The following CACNA2D3 variants were observed in gnomAD, a reference collection of about 807,000 sequenced individuals.
The protein encoded by CACNA2D3 is voltage-dependent calcium channel subunit alpha-2/delta-3.
Under a neutral mutation model 160.6 loss-of-function variants are expected in CACNA2D3, and 60 were observed. That is an observed-to-expected ratio of 0.37 (90% CI 0.30 to 0.46). The LOEUF (loss-of-function observed/expected upper bound fraction) is 0.46, where lower values mean the gene tolerates loss of function less well. CACNA2D3 is among the 20% of genes least tolerant of loss of function. The pLI is 1.00. For missense variants in CACNA2D3, 1,205 were observed against 1,365.0 expected, an observed-to-expected ratio of 0.88 and a Z score of 1.85; for synonymous variants, 558 against 492.9, an observed-to-expected ratio of 1.13 and a Z score of -1.75.
At chr3:54,516,285 A>G (rs920390675) in intron 5 of CACNA2D3, among the ~76,000 whole-genome samples, 1 of 152,218 alleles carries the variant, frequency 6.6e-6, no homozygotes, top group African/African-American at 2.4e-5. Context: ...ATTTCTGAAG[A>G]CATCACAGGC....
intron 2 of CACNA2D3, among the ~76,000 whole-genome samples, chr3:54,201,091 G>A (rs1445745121): frequency 2.0e-5 from 3 of 152,086 alleles, no homozygotes; most frequent in East Asian, 3.9e-4. Context: ...ATAAGCGCTG[G>A]GTTTTGGTGA....
At chr3:54,789,349 G>A (rs537255986) in intron 13 of CACNA2D3, among the ~76,000 whole-genome samples, 44 of 152,288 alleles carry the variant, frequency 2.9e-4, no homozygotes, top group Middle Eastern at 3.4e-3. Flanking sequence ...AAAGCATTAA[G>A]ACATTTGCCC....
At chr3:54,829,715 C>T (rs1703827010) in intron 14 of CACNA2D3, among the ~76,000 whole-genome samples, 1 of 151,898 alleles carries the variant, frequency 6.6e-6, no homozygotes, top group African/African-American at 2.4e-5. Flanking sequence ...CTTAAGAATT[C>T]CCAAGTCATT....
At chr3:54,982,029 G>A (rs936564644) in intron 29 of CACNA2D3, among the ~76,000 whole-genome samples, 3 of 152,202 alleles carry the variant, frequency 2.0e-5, no homozygotes, top group Non-Finnish European at 4.4e-5. Context: ...GTGGCCACTT[G>A]TCGGTAGTGA....
In CACNA2D3 at chr3:54,288,837, A is replaced by G. The variant is rs146020805; in HGVS notation, c.205-31605A>G. On this transcript the variant is annotated intron_variant, in intron 2 of 37. Coordinates refer to ENST00000474759, the MANE Select transcript of CACNA2D3 (RefSeq NM_018398.3). ...AGACAAAAACCACGTGATTATCTCA[A>G]TAGATGCAGAAAAGGCCTTTGACAA... is the stretch of plus-strand genomic sequence containing the variant. 9.8e-3 allele frequency among the ~76,000 whole-genome samples: 1,492 copies of G among 152,284 alleles called. 27 individuals carry two copies. The highest frequency in any genetic ancestry group is 0.063 in the East Asian group (326 of 5,182).
chr3:54,497,318 G>T (rs943698630), intron 4 of CACNA2D3, among the ~76,000 whole-genome samples: 1 of 151,994 alleles, frequency 6.6e-6, no homozygotes, highest in Middle Eastern at 3.4e-3. Context: ...TAGTATACAG[G>T]CATTGCACAT....
chr3:54,821,907 G>A (rs544428136), intron 14 of CACNA2D3, among the ~76,000 whole-genome samples: 6 of 152,104 alleles, frequency 3.9e-5, no homozygotes, highest in East Asian at 1.9e-4. Flanking sequence ...AATGAAAATT[G>A]AAAATTGAAA....
At chr3:54,254,718 A>G (rs556736157) in intron 2 of CACNA2D3, among the ~76,000 whole-genome samples, 1 of 128,320 alleles carries the variant, frequency 7.8e-6, no homozygotes, top group South Asian at 2.5e-4. Flanking sequence ...TTACCAACCT[A>G]TTTGAATCAA....
chr3:54,210,654 A>G (rs1228876148), intron 2 of CACNA2D3, among the ~76,000 whole-genome samples: 1 of 152,144 alleles, frequency 6.6e-6, no homozygotes, highest in Non-Finnish European at 1.5e-5. Context: ...CCTGGAGGGA[A>G]GTGTCCTGGG....
chr3:54,125,308 CTCTAT>C (rs978572168), intron 2 of CACNA2D3, among the ~76,000 whole-genome samples: 46 of 151,932 alleles, frequency 3.0e-4, no homozygotes, highest in African/African-American at 1.1e-3. Flanking sequence ...TTATTTGCTA[CTCTAT>C]AACAGCAAAT....
chr3:54,941,928 A>G (rs1171998300), intron 27 of CACNA2D3, among the ~76,000 whole-genome samples: 1 of 152,184 alleles, frequency 6.6e-6, no homozygotes, highest in Non-Finnish European at 1.5e-5. Flanking sequence ...ATAAACTTCA[A>G]CCTCGTGAAA....
chr3:54,716,956 G>A (rs550238747), intron 11 of CACNA2D3, among the ~76,000 whole-genome samples: 1 of 150,102 alleles, frequency 6.7e-6, no homozygotes, highest in South Asian at 2.1e-4. Flanking sequence ...AAATCATAGC[G>A]TCAAGACAGA....
At chr3:54,809,272 ATCTCTTTCTTC>A (rs1450126665) in intron 13 of CACNA2D3, among the ~76,000 whole-genome samples, 1 of 82,760 alleles carries the variant, frequency 1.2e-5, no homozygotes, top group Admixed American at 1.3e-4. Context: ...TCCTTCCTTT[ATCTCTTTCTTC>A]TCTCTTTCTT....
At chr3:54,662,179 T>C (rs577000804) in intron 11 of CACNA2D3, among the ~76,000 whole-genome samples, 193 of 152,212 alleles carry the variant, frequency 1.3e-3, no homozygotes, top group African/African-American at 4.1e-3. Flanking sequence ...CGTTTGTGTG[T>C]ATGTGTGTGT....
intron 4 of CACNA2D3, among the ~76,000 whole-genome samples, chr3:54,461,312 C>A (rs1221806522): frequency 1.5e-4 from 22 of 150,372 alleles, no homozygotes; most frequent in African/African-American, 4.1e-4. Flanking sequence ...GGGAGGATTC[C>A]CTCTTTTTCT....
intron 11 of CACNA2D3, among the ~76,000 whole-genome samples, chr3:54,664,224 C>G (rs1700024150): frequency 6.6e-6 from 1 of 152,220 alleles, no homozygotes; most frequent in African/African-American, 2.4e-5. Flanking sequence ...TGAGCATAAC[C>G]TGCCCTGCAC....
chr3:54,710,457 C>T (rs927482266), intron 11 of CACNA2D3, among the ~76,000 whole-genome samples: 1 of 152,150 alleles, frequency 6.6e-6, no homozygotes, highest in East Asian at 1.9e-4. Context: ...CTTTAACGTG[C>T]GGTCTTGACA....
chr3:54,808,111 T>G (rs1478730319), intron 13 of CACNA2D3, among the ~76,000 whole-genome samples: 2 of 148,530 alleles, frequency 1.3e-5, no homozygotes, highest in Admixed American at 6.7e-5. Flanking sequence ...TGCTAAATGA[T>G]GAGTTAATGG....
chr3:54,402,273 C>G (rs993373720), intron 4 of CACNA2D3, among the ~76,000 whole-genome samples: 2 of 151,948 alleles, frequency 1.3e-5, no homozygotes, highest in Non-Finnish European at 2.9e-5. Flanking sequence ...AGTAATAATT[C>G]TTTACCTATC....
Sources: gnomAD v4.1 joint callset for allele counts (sites outside exome capture counted in the v4.1 genomes callset) on GRCh38, gnomAD v4.1.1 for gene constraint, MANE v1.5 for transcripts, NCBI Gene and HGNC (gene_info 2026-07-23, HGNC 2026-07-21) for gene names.